PI4KA: variants seen among roughly 807,000 people sequenced by gnomAD.
PI4KA encodes phosphatidylinositol 4-kinase alpha.
PI4KA carries 122 observed loss-of-function variants against 271.4 expected under a neutral mutation model. That is an observed-to-expected ratio of 0.45 (90% CI 0.39 to 0.52). The LOEUF is 0.52. Among genes scored for constraint, PI4KA ranks in the 20% least tolerant of loss-of-function variants. The probability of loss-of-function intolerance (pLI) is 0.00; values close to 1 mark genes in which losing one functional copy is unlikely to be tolerated. For synonymous variants in PI4KA, 1,041 were observed against 1,078.8 expected, an observed-to-expected ratio of 0.96 and a Z score of 0.69; for missense variants, 1,969 against 2,769.1, an observed-to-expected ratio of 0.71 and a Z score of 6.48.
chr22:20,838,144 C>G (rs1293426814), intron 2 of PI4KA, among the ~76,000 whole-genome samples: 1 of 151,516 alleles, frequency 6.6e-6, no homozygotes, highest in African/African-American at 2.4e-5. Context: ...ACAAGATACA[C>G]TGATACATAC....
intron 23 of PI4KA, among the ~76,000 whole-genome samples, chr22:20,757,173 C>A (rs1259386774): frequency 6.6e-6 from 1 of 152,178 alleles, no homozygotes; most frequent in Non-Finnish European, 1.5e-5. Context: ...CTGGTAGGTT[C>A]TGAAAATTCA....
intron 7 of PI4KA, among the ~76,000 whole-genome samples, chr22:20,817,022 T>G (rs1490709064): frequency 6.6e-6 from 1 of 152,152 alleles, no homozygotes; most frequent in East Asian, 1.9e-4. Context: ...AGGAATACAT[T>G]CTATACTTAA....
At chr22:20,828,555 T>G (rs1923742406) in intron 3 of PI4KA, among the ~76,000 whole-genome samples, 1 of 149,860 alleles carries the variant, frequency 6.7e-6, no homozygotes, top group Admixed American at 6.6e-5. Flanking sequence ...TGTTGTGGAT[T>G]TTTTTGGGGT....
At chr22:20,760,309 T>C (rs975224390) in intron 23 of PI4KA, among the ~76,000 whole-genome samples, 1 of 152,194 alleles carries the variant, frequency 6.6e-6, no homozygotes, top group Non-Finnish European at 1.5e-5. Context: ...AATTAAAACT[T>C]AGGTCTAACA....
At chr22:20,779,586 T>C (rs375076676) in intron 19 of PI4KA, 1 of 1,614,128 alleles carries the variant, frequency 6.2e-7, no homozygotes. Context: ...AGACGACGAC[T>C]ACATCGACAT....
chr22:20,820,634 A>G lies in PI4KA; in HGVS notation c.457-23T>C, dbSNP rs145024136. ...AATCTGTAACAGTCAAGGAAACAAG[A>G]AAAAAAAAACATAAACAAAATTAGG... On this transcript the variant is annotated intron_variant, in intron 4 of 54. Transcript: ENST00000255882. The G allele has an allele frequency of 5.9e-3, 8,619 of 1,450,400 alleles. 63 individuals are homozygous for G. Among genetic ancestry groups the G allele is most frequent in the East Asian group, 0.049 (2,123 of 43,488 alleles). 89.8% of individuals were successfully genotyped at this position (1,450,400 alleles called of 1,614,324 possible).
In PI4KA at chr22:20,742,688, T is replaced by C. The variant is rs1363614849; in HGVS notation, c.3533A>G (p.His1178Arg). The change falls in exon 31 of 55, where the codon CAT becomes CGT. Residue 1178 changes from histidine to arginine, a missense_variant. His to Arg is a conservative substitution (Grantham distance 29). Coordinates refer to ENST00000255882, the MANE Select transcript of PI4KA (RefSeq NM_058004.4). ...DLNKMMVQDL[H>R]SALDRSHPQH... is the part of the protein sequence containing the mutation. Reference sequence around the variant, plus strand: ...AGGATGACTGCGGTCTAAAGCTGAATGTAGATCCTGGACCATCATTTTGTT... The same window carrying C: ...AGGATGACTGCGGTCTAAAGCTGAACGTAGATCCTGGACCATCATTTTGTT... The C allele has an allele frequency of 2.5e-6, 4 of 1,614,066 alleles. No individual in the cohort carries two copies. In the Admixed American group the frequency reaches 6.7e-5, roughly 27 times the overall value.
chr22:20,787,905 C>G (rs1043780670), intron 19 of PI4KA, among the ~76,000 whole-genome samples: 1 of 152,126 alleles, frequency 6.6e-6, no homozygotes, highest in African/African-American at 2.4e-5. Flanking sequence ...TGTGCAGTAC[C>G]CCAGAACTGT....
intron 39 of PI4KA, among the ~76,000 whole-genome samples, chr22:20,728,201 A>T (rs1189106903): frequency 1.3e-5 from 2 of 152,210 alleles, no homozygotes; most frequent in African/African-American, 4.8e-5. Context: ...CTGTATCAAA[A>T]CATCTCATGC....
chr22:20,807,084 G>C (rs1014118607), intron 10 of PI4KA, among the ~76,000 whole-genome samples: 1 of 152,102 alleles, frequency 6.6e-6, no homozygotes, highest in African/African-American at 2.4e-5. Flanking sequence ...AACTGTATCT[G>C]TCCTTAGGAC....
intron 9 of PI4KA, among the ~76,000 whole-genome samples, 196 bp downstream of exon 9, chr22:20,810,771 G>A (rs550590172): frequency 1.2e-4 from 18 of 152,282 alleles, no homozygotes; most frequent in East Asian, 9.6e-4. Flanking sequence ...CTGAGGTGAC[G>A]TATTTAAAAG....
intron 42 of PI4KA, among the ~76,000 whole-genome samples, chr22:20,722,477 G>A (rs566401320): frequency 8.5e-5 from 13 of 152,212 alleles, no homozygotes; most frequent in East Asian, 1.9e-4. Flanking sequence ...ATGAGCCACC[G>A]CACCTGGCCA....
intron 23 of PI4KA, among the ~76,000 whole-genome samples, chr22:20,760,889 C>G (rs1253731365): frequency 6.6e-6 from 1 of 152,168 alleles, no homozygotes; most frequent in Non-Finnish European, 1.5e-5. Context: ...ATCTTGAACT[C>G]CTGGGCTCAA....
At chr22:20,818,387 A>T in intron 7 of PI4KA, 96 bp downstream of exon 7, 1 of 839,940 alleles carries the variant, frequency 1.2e-6, no homozygotes, top group Non-Finnish European at 1.8e-6. Context: ...CCATGACAAC[A>T]GAGTTAGTAT....
At chr22:20,754,496 A>C (rs1931058169) in intron 23 of PI4KA, among the ~76,000 whole-genome samples, 1 of 152,240 alleles carries the variant, frequency 6.6e-6, no homozygotes, top group African/African-American at 2.4e-5. Context: ...TACAGCCACC[A>C]CAGCGATTGA....
chr22:20,796,457 C>T (rs1934993453), intron 17 of PI4KA, 143 bp from the exon 18 acceptor site: 2 of 673,314 alleles, frequency 3.0e-6, no homozygotes, highest in Non-Finnish European at 5.0e-6. Flanking sequence ...AACCAAAGAA[C>T]TCTCAAGTGG....
intron 23 of PI4KA, among the ~76,000 whole-genome samples, chr22:20,760,587 A>C (rs1457194700): frequency 1.3e-5 from 2 of 152,138 alleles, no homozygotes; most frequent in Non-Finnish European, 2.9e-5. Context: ...AACTGTACAC[A>C]CTCACGGGAC....
chr22:20,733,273 C>T (rs968928213), intron 35 of PI4KA, among the ~76,000 whole-genome samples, 175 bp from the exon 36 acceptor site: 1 of 150,032 alleles, frequency 6.7e-6, no homozygotes, highest in African/African-American at 2.5e-5. Flanking sequence ...TGTGGTGGCT[C>T]GGGAGCCCTC....
intron 36 of PI4KA, among the ~76,000 whole-genome samples, chr22:20,730,748 T>G (rs1303357031): frequency 6.6e-6 from 1 of 151,866 alleles, no homozygotes. Context: ...TTTTGTATTT[T>G]TAGTAGAGAT....
Sources: gnomAD v4.1 joint callset for allele counts (sites outside exome capture counted in the v4.1 genomes callset) on GRCh38, gnomAD v4.1.1 for gene constraint, MANE v1.5 for transcripts, NCBI Gene and HGNC (gene_info 2026-07-23, HGNC 2026-07-21) for gene names.